Variants in COL24A1 observed in about 807,000 individuals in gnomAD.
COL24A1 encodes collagen alpha-1(XXIV) chain.
In COL24A1, 224 loss-of-function variants were observed where a neutral mutation model predicts 253.9. The ratio of observed to expected loss-of-function variants is 0.88; its 90% CI spans 0.79 to 0.99. The LOEUF (loss-of-function observed/expected upper bound fraction) is 0.99, where lower values mean the gene tolerates loss of function less well. COL24A1 is among the 50% of genes least tolerant of loss of function. The pLI, the probability that COL24A1 is intolerant of heterozygous loss-of-function variation, is 0.00. For missense variants in COL24A1, 2,131 were observed against 2,068.5 expected (o/e 1.03, Z -0.59); for synonymous variants, 685 against 673.7 (o/e 1.02, Z -0.26).
intron 32 of COL24A1, among the ~76,000 whole-genome samples, chr1:85,877,778 C>A (rs1008047302): frequency 2.6e-5 from 4 of 152,188 alleles, no homozygotes; most frequent in Non-Finnish European, 2.9e-5. Context: ...TTAAGCACCT[C>A]ATAAGTATCA....
At chr1:86,020,067 T>A (rs1698738) in intron 18 of COL24A1, among the ~76,000 whole-genome samples, 5 of 81,494 alleles carry the variant, frequency 6.1e-5, no homozygotes, top group Non-Finnish European at 9.5e-5. Flanking sequence ...CTTTCTTTTT[T>A]TTTTTTTTTT....
chr1:86,025,177 C>A (rs927883231), intron 14 of COL24A1, among the ~76,000 whole-genome samples: 1 of 152,118 alleles, frequency 6.6e-6, no homozygotes, highest in Admixed American at 6.6e-5. Flanking sequence ...TCAGTTCTAC[C>A]AAGGTAACCT....
chr1:86,135,068 T>C (rs919787496), intron 2 of COL24A1, among the ~76,000 whole-genome samples: 37 of 152,060 alleles, frequency 2.4e-4, no homozygotes, highest in African/African-American at 8.5e-4. Flanking sequence ...GAGAGTTAGC[T>C]CTTCTTGTTG....
chr1:85,909,693 T>A (rs1571180370), intron 26 of COL24A1, among the ~76,000 whole-genome samples: 1 of 152,064 alleles, frequency 6.6e-6, no homozygotes, highest in South Asian at 2.1e-4. Context: ...TTCTTCTTTA[T>A]CTTTTTTAGC....
Position 86,095,035 on chromosome 1 carries a change from T to C in COL24A1, c.1600-2715A>G, listed in dbSNP as rs78227546. On this transcript the variant is annotated intron_variant, in intron 5 of 59. Transcript: ENST00000370571. ...TTTATTATAAAAGCTAACTAGTTGA[T>C]TCAAGGCTATAATTTACAAAGATTT... 5.0e-3 allele frequency among the ~76,000 whole-genome samples: 759 copies of C among 152,122 alleles called. 4 individuals carry two copies. Among genetic ancestry groups the C allele is most frequent in the African/African-American group, 0.017 (724 of 41,548 alleles).
chr1:85,785,165 A>G (rs552568246), intron 48 of COL24A1, among the ~76,000 whole-genome samples: 1 of 152,274 alleles, frequency 6.6e-6, no homozygotes, highest in Non-Finnish European at 1.5e-5. Context: ...TATCTTTTTA[A>G]TTCCATCAAT....
intron 32 of COL24A1, among the ~76,000 whole-genome samples, chr1:85,882,560 T>A (rs1298209268): frequency 1.3e-5 from 2 of 151,194 alleles, no homozygotes; most frequent in Non-Finnish European, 2.9e-5. Context: ...GAGTGTTCCA[T>A]GTCAGTTTGT....
intron 28 of COL24A1, among the ~76,000 whole-genome samples, chr1:85,898,665 G>C (rs1684000721): frequency 6.6e-6 from 1 of 152,206 alleles, no homozygotes; most frequent in African/African-American, 2.4e-5. Context: ...TGTATACCGA[G>C]TGCCTACTAT....
At chr1:85,861,194 T>C (rs1305058369) in intron 37 of COL24A1, among the ~76,000 whole-genome samples, 1 of 152,120 alleles carries the variant, frequency 6.6e-6, no homozygotes, top group Non-Finnish European at 1.5e-5. Flanking sequence ...TGGTATCTCA[T>C]TGTGGTTTTG....
intron 20 of COL24A1, among the ~76,000 whole-genome samples, chr1:85,980,210 A>T (rs955893263): frequency 5.3e-5 from 8 of 152,244 alleles, no homozygotes; most frequent in African/African-American, 1.9e-4. Flanking sequence ...GCCATCTATG[A>T]CAAACCCACA....
rs368319068 is a variant in COL24A1, at chr1:86,124,845, G to T, written c.1491C>A (p.Pro497=). The T allele has an allele frequency of 1.3e-6, 2 of 1,522,180 alleles. No individual in the cohort carries two copies. The allele number at this position is 1,522,180 out of a possible 1,614,324, so 94.3% of individuals were successfully genotyped here. A position where few individuals can be genotyped will look rare whatever the true frequency, so the allele number is the denominator to read the frequency against. The part of the protein sequence containing the change: ...LRGPKGDTGP[P]GPPGPAGIPG... The stretch of plus-strand genomic sequence containing the variant: ...AGATATTAAAAAAAAAAAAACTTAC[G>T]GGAGGTCCAGTGTCTCCTTTTGGCC... The change falls in exon 3 of 60, where the codon CCC becomes CCA. Residue 497 remains proline (P), a splice_region_variant and synonymous_variant. Coordinates refer to ENST00000370571, the MANE Select transcript of COL24A1 (RefSeq NM_152890.7).
intron 28 of COL24A1, among the ~76,000 whole-genome samples, chr1:85,901,834 A>AAAAAAG (rs1387436761): frequency 3.4e-5 from 5 of 146,334 alleles, no homozygotes; most frequent in Non-Finnish European, 6.0e-5. Context: ...CAAAAAAAAA[A>AAAAAAG]AAAAAAAAAA....
At chr1:86,142,190 A>G (rs1427275615) in intron 2 of COL24A1, among the ~76,000 whole-genome samples, 1 of 150,270 alleles carries the variant, frequency 6.7e-6, no homozygotes, top group Non-Finnish European at 1.5e-5. Flanking sequence ...AACAGGATGA[A>G]AAAAAAAAAG....
At chr1:86,073,725 G>T (rs544538646) in intron 7 of COL24A1, among the ~76,000 whole-genome samples, 2 of 152,248 alleles carry the variant, frequency 1.3e-5, no homozygotes, top group East Asian at 3.9e-4. Context: ...AGAGAGAAAG[G>T]TCAGGTTACT....
At chr1:85,924,164 T>C (rs558703029) in intron 24 of COL24A1, among the ~76,000 whole-genome samples, 70 of 152,242 alleles carry the variant, frequency 4.6e-4, no homozygotes, top group African/African-American at 1.6e-3. Flanking sequence ...GTTCTGAAAT[T>C]GAGGCAATAA....
intron 53 of COL24A1, among the ~76,000 whole-genome samples, chr1:85,762,000 T>C (rs1666894342): frequency 6.6e-6 from 1 of 152,132 alleles, no homozygotes; most frequent in Non-Finnish European, 1.5e-5. Flanking sequence ...CTCTCCAAAA[T>C]AATACTTCTC....
Position 85,877,157 on chromosome 1 carries a change from C to G in COL24A1, c.2995G>C (p.Gly999Arg), listed in dbSNP as rs1188611006. 2 of 1,605,896 alleles carry G rather than the reference C, an allele frequency of 1.2e-6. No individual in the cohort carries two copies. Among genetic ancestry groups the G allele is most frequent in the Non-Finnish European group, 1.7e-6 (2 of 1,176,304 alleles). ...PGEPGLRGLQ[G>R]DVGPPGEMGM... ...ATTTCTCCAGGAGGTCCAACATCAC[C>G]TTGCAGTCCTCGCAGTCCCTATATT... Residue 999 changes from glycine to arginine, a missense_variant, in exon 33 of 60, where the codon GGT becomes CGT. Coordinates refer to ENST00000370571, the MANE Select transcript of COL24A1 (RefSeq NM_152890.7).
At chr1:85,740,553 G>T (rs1664496837) in intron 57 of COL24A1, among the ~76,000 whole-genome samples, 1 of 151,944 alleles carries the variant, frequency 6.6e-6, no homozygotes, top group African/African-American at 2.4e-5. Context: ...CCCCCTGCAG[G>T]CTCAGGAGAT....
intron 47 of COL24A1, among the ~76,000 whole-genome samples, chr1:85,790,842 C>T (rs1037513708): frequency 3.1e-4 from 47 of 152,242 alleles, no homozygotes; most frequent in African/African-American, 1.1e-3. Context: ...TCAACATTAT[C>T]AGACTAGGCA....
Sources: allele counts gnomAD v4.1 joint callset (sites outside exome capture counted in the v4.1 genomes callset), GRCh38; gene constraint gnomAD v4.1.1; transcripts MANE v1.5; gene names NCBI Gene and HGNC (gene_info 2026-07-23, HGNC 2026-07-21).